Variants in MELTF observed in about 807,000 individuals in gnomAD.
MELTF encodes antigen p97 (melanoma associated) identified by monoclonal antibodies 133.2 and 96.5.
Under a neutral mutation model 83.7 loss-of-function variants are expected in MELTF, and 67 were observed. The observed-to-expected ratio is 0.80, with a 90% CI of 0.66 to 0.98. The LOEUF (loss-of-function observed/expected upper bound fraction) is 0.98. MELTF is among the 50% of genes least tolerant of loss of function. The pLI is 0.00. For synonymous variants in MELTF, 462 were observed against 447.6 expected, an observed-to-expected ratio of 1.03 and a Z score of -0.41; for missense variants, 1,002 against 1,035.6, an observed-to-expected ratio of 0.97 and a Z score of 0.44.
intron 6 of MELTF, 43 bp downstream of exon 6, chr3:197,021,361 C>T: frequency 6.2e-7 from 1 of 1,606,020 alleles, no homozygotes. Flanking sequence ...CCGGCCTGGC[C>T]TGACTCCCTG....
chr3:197,013,764 GATC>G (rs1719263963), intron 9 of MELTF, among the ~76,000 whole-genome samples: 2 of 152,294 alleles, frequency 1.3e-5, no homozygotes, highest in Admixed American at 6.5e-5. Flanking sequence ...AGCCATCACT[GATC>G]ATCAGGGAAA....
At chr3:197,026,141 G>C (rs1719845191) in intron 3 of MELTF, 1 of 156,758 alleles carries the variant, frequency 6.4e-6, no homozygotes, top group Non-Finnish European at 1.4e-5. Context: ...TTTAGTCTGG[G>C]TGACAGCGCA....
chr3:197,005,081 T>C (rs1005554396), intron 14 of MELTF, among the ~76,000 whole-genome samples: 1 of 152,130 alleles, frequency 6.6e-6, no homozygotes. Context: ...TCTGTGGTGC[T>C]GGTGGGTGTG....
In MELTF at chr3:197,006,838, G is replaced by C; in HGVS notation, c.1751-102C>G. On this transcript the variant is annotated intron_variant, in intron 13 of 15. Transcript: ENST00000296350. The surrounding 1 kb of genome is among the most constrained non-coding windows in gnomAD (Gnocchi z 5.4). ...ACCCCAAGGCCTTCACCACAGGGAG[G>C]TGGCAACATCTGGCCAGCTCCCCAA... 1.8e-6 allele frequency: 2 copies of C among 1,140,880 alleles called. No homozygotes were observed. Among genetic ancestry groups the C allele is most frequent in the Non-Finnish European group, 2.3e-6 (2 of 851,838 alleles). 70.7% of individuals were successfully genotyped at this position (1,140,880 alleles called of 1,614,324 possible).
rs148977686 is a variant in MELTF at position 197,003,946 on chromosome 3, C to G, written c.2092G>C (p.Val698Leu). ...TYRGWLGLDYVAALEGMSSQQ... is the reference protein window; with the variant it reads ...TYRGWLGLDYLAALEGMSSQQ... ...GACGACATCCCTTCCAGCGCCGCCA[C>G]GTAGTCCAGCCCCAGCCAGCCGCGG... The change falls in exon 15 of 16, where the codon GTG becomes CTG. Residue 698 changes from valine to leucine, a missense_variant. Transcript: ENST00000296350. This position sits in a 1 kb window ranked among gnomAD's most constrained non-coding sequence, Gnocchi z 6.2. The G allele has an allele frequency of 2.2e-4, 361 of 1,614,106 alleles. 2 individuals are homozygous for G. The African/African-American group carries it at 3.7e-3, about 16-fold the overall frequency.
rs949912372 is a variant in MELTF, at chr3:197,008,213, C to T, written c.1750+444G>A. On this transcript the variant is annotated intron_variant, in intron 13 of 15. Transcript: ENST00000296350. This position sits in a 1 kb window ranked among gnomAD's most constrained non-coding sequence, Gnocchi z 5.4. ...GTGGTATGTTGGGCGTGCCCTGCCT[C>T]GGTGTGGCTTGGGGGCTGCAGAGAG... 2.0e-5 allele frequency among the ~76,000 whole-genome samples: 3 copies of T among 152,138 alleles called. No homozygotes were observed. The highest frequency in any genetic ancestry group is 2.0e-4 in the Admixed American group (3 of 15,278).
intron 3 of MELTF, chr3:197,025,974 GTGA>G (rs1719838659): frequency 6.6e-6 from 1 of 152,666 alleles, no homozygotes. Flanking sequence ...GCGCTGGACT[GTGA>G]TGGAGGCCAG....
In MELTF at chr3:197,029,521, G is replaced by A. The variant is rs1577952831; in HGVS notation, c.49+133C>T. On this transcript the variant is annotated intron_variant, in intron 1 of 15. Transcript: ENST00000296350. This position sits in a 1 kb window ranked among gnomAD's most constrained non-coding sequence, Gnocchi z 6.5. ...CCCTCCGCCGTCCTCACTCGACCCCGAGCCCCTGCCTCCCCCGTCTCACTG... is the reference window on the plus strand; with the variant it reads ...CCCTCCGCCGTCCTCACTCGACCCCAAGCCCCTGCCTCCCCCGTCTCACTG... 6.1e-6 allele frequency: 4 copies of A among 652,344 alleles called. No individual in the cohort carries two copies. Among genetic ancestry groups the A allele is most frequent in the East Asian group, 3.5e-5 (1 of 28,812 alleles). 40.4% of individuals were successfully genotyped at this position (652,344 alleles called of 1,614,324 possible).
In MELTF at chr3:197,006,831, C is replaced by T. The variant is rs1328921632; in HGVS notation, c.1751-95G>A. ...TCCTGGGACCCCAAGGCCTTCACCACAGGGAGGTGGCAACATCTGGCCAGC... is the reference window on the plus strand; with the variant it reads ...TCCTGGGACCCCAAGGCCTTCACCATAGGGAGGTGGCAACATCTGGCCAGC... On this transcript the variant is annotated intron_variant, in intron 13 of 15. Transcript: ENST00000296350. This position sits in a 1 kb window ranked among gnomAD's most constrained non-coding sequence, Gnocchi z 5.4. The T allele has an allele frequency of 9.1e-6, 11 of 1,210,572 alleles. No homozygotes were observed. Among genetic ancestry groups the T allele is most frequent in the Admixed American group, 3.5e-5 (1 of 28,952 alleles). 75.0% of individuals were successfully genotyped at this position (1,210,572 alleles called of 1,614,324 possible). A position where few individuals can be genotyped will look rare whatever the true frequency, so the allele number is the denominator to read the frequency against.
chr3:197,021,404 C>T lies in MELTF; in HGVS notation c.712G>A (p.Gly238Arg). The T allele has an allele frequency of 1.2e-6, 2 of 1,614,056 alleles. No individual in the cohort carries two copies. Among genetic ancestry groups the T allele is most frequent in the Middle Eastern group, 3.3e-4 (2 of 6,062 alleles). The change falls in exon 6 of 16, where the codon GGG becomes AGG. Residue 238 changes from glycine to arginine, a missense_variant and splice_region_variant. Gly to Arg is a moderately radical substitution (Grantham distance 125). Coordinates refer to ENST00000296350, the MANE Select transcript of MELTF (RefSeq NM_005929.6). ...KHSTVLENTD[G>R]KTLPSWGQAL... is the part of the protein sequence containing the mutation. ...GGGCCCGTGCCCCTCCCCCACTCAC[C>T]ATCCGTGTTCTCCAGTACCGTGCTG...
chr3:197,021,983 A>G (rs1414615364), intron 5 of MELTF, among the ~76,000 whole-genome samples: 1 of 152,144 alleles, frequency 6.6e-6, no homozygotes, highest in African/African-American at 2.4e-5. Flanking sequence ...CCTCCAAAGT[A>G]GCTGGGGTGA....
In MELTF at chr3:197,024,477, T is replaced by C; in HGVS notation, c.313A>G (p.Thr105Ala). The C allele has an allele frequency of 6.3e-7, 1 of 1,578,588 alleles. No homozygotes were observed. Among genetic ancestry groups the C allele is most frequent in the Non-Finnish European group, 8.7e-7 (1 of 1,155,300 alleles). Reference sequence around the variant, plus strand: ...ACCACAGCCACGGCGTAATAGGAGGTACCGACCTCTAGGAGGGGAGGGGAG... The same window carrying C: ...ACCACAGCCACGGCGTAATAGGAGGCACCGACCTCTAGGAGGGGAGGGGAG... ...VGEVYDQEVG[T>A]SYYAVAVVRR... The change falls in exon 4 of 16, where the codon ACC becomes GCC. Residue 105 changes from threonine to alanine, a missense_variant. Physicochemically the swap from Thr to Ala is moderately conservative, Grantham distance 58. Coordinates refer to ENST00000296350, the MANE Select transcript of MELTF (RefSeq NM_005929.6). This position sits in a 1 kb window ranked among gnomAD's most constrained non-coding sequence, Gnocchi z 5.3.
At chr3:197,023,135 G>A in intron 4 of MELTF, 22 bp from the exon 5 acceptor site, 1 of 1,612,890 alleles carries the variant, frequency 6.2e-7, no homozygotes, top group Non-Finnish European at 8.5e-7. Context: ...AGGTAGAGAG[G>A]TCACTCAGCA....
chr3:197,022,413 G>A lies in MELTF; in HGVS notation c.644+544C>T, dbSNP rs1033267201. Among the ~76,000 whole-genome samples the A allele has an allele frequency of 6.6e-5, 10 of 152,178 alleles. No homozygotes were observed. Among genetic ancestry groups the A allele is most frequent in the Admixed American group, 2.6e-4 (4 of 15,284 alleles). ...CAGTCAGATAACATCTGGAGTGTGG[G>A]GCACCAGCAGGCTTCCCTGCTCCAG... is the stretch of plus-strand genomic sequence containing the variant. On this transcript the variant is annotated intron_variant, in intron 5 of 15. Coordinates refer to ENST00000296350, the MANE Select transcript of MELTF (RefSeq NM_005929.6). This position sits in a 1 kb window ranked among gnomAD's most constrained non-coding sequence, Gnocchi z 5.1.
intron 1 of MELTF, 157 bp from the exon 2 acceptor site, chr3:197,028,067 G>GA: frequency 1.3e-6 from 1 of 795,050 alleles, no homozygotes; most frequent in Non-Finnish European, 1.9e-6. Flanking sequence ...TAGGCGCAGA[G>GA]ACAGGGGAAG....
At chr3:197,016,060 T>G in intron 8 of MELTF, 129 bp downstream of exon 8, 1 of 772,032 alleles carries the variant, frequency 1.3e-6, no homozygotes, top group Non-Finnish European at 1.9e-6. Context: ...GGCAGAGGAA[T>G]GGAAATGACA....
Position 197,022,942 on chromosome 3 carries a change from C to T in MELTF, c.644+15G>A. 1.2e-6 allele frequency: 2 copies of T among 1,600,042 alleles called. No homozygotes were observed. The highest frequency in any genetic ancestry group is 1.7e-6 in the Non-Finnish European group (2 of 1,174,036). On this transcript the variant is annotated intron_variant, in intron 5 of 15. Transcript: ENST00000296350. The surrounding 1 kb of genome is among the most constrained non-coding windows in gnomAD (Gnocchi z 5.1). The stretch of plus-strand genomic sequence containing the variant: ...CTCCCTGCCCTCGGCCCCTCCCTGC[C>T]CCCACTCCGCTCACCGGAAGGCCCC...
Position 197,021,390 on chromosome 3 carries a change from C to T in MELTF, c.712+14G>A, listed in dbSNP as rs1247058232. ...CTCCCTGCTCCTCTGGGCCCGTGCC[C>T]CTCCCCCACTCACCATCCGTGTTCT... On this transcript the variant is annotated intron_variant, in intron 6 of 15. Coordinates refer to ENST00000296350, the MANE Select transcript of MELTF (RefSeq NM_005929.6). 1 of 1,613,812 alleles carries T rather than the reference C, an allele frequency of 6.2e-7. No individual in the cohort carries two copies. The highest frequency in any genetic ancestry group is 1.7e-5 in the Admixed American group (1 of 60,020).
rs1448189393 is a variant in MELTF at position 197,001,959 on chromosome 3, C to T, written c.*1413G>A. 1.3e-5 allele frequency: 2 copies of T among 152,290 alleles called. No homozygotes were observed. The highest frequency in any genetic ancestry group is 2.9e-5 in the Non-Finnish European group (2 of 68,110). 9.4% of individuals were successfully genotyped at this position (152,290 alleles called of 1,614,324 possible). On this transcript the variant is annotated 3_prime_UTR_variant, in exon 16 of 16. Transcript: ENST00000296350. ...GAAACACACTTCTCACCGCACAAAA[C>T]TCCCTTTTGAAAAAACCAAGCAATC... is the stretch of plus-strand genomic sequence containing the variant.
Sources: gnomAD v4.1 joint callset for allele counts (sites outside exome capture counted in the v4.1 genomes callset) on GRCh38, gnomAD v4.1.1 for gene constraint, Gnocchi (gnomAD v3.1) non-coding constraint, MANE v1.5 for transcripts, NCBI Gene and HGNC (gene_info 2026-07-23, HGNC 2026-07-21) for gene names.